Variants in DDX55 observed in about 807,000 individuals in gnomAD.
DDX55 encodes ATP-dependent RNA helicase DDX55.
In DDX55, 56 loss-of-function variants were observed where a neutral mutation model predicts 69.2. The ratio of observed to expected loss-of-function variants is 0.81; its 90% CI spans 0.65 to 1.01. The LOEUF (loss-of-function observed/expected upper bound fraction) is 1.01, where lower values mean the gene tolerates loss of function less well. DDX55 is among the 50% of genes least tolerant of loss of function. DDX55 has a pLI of 0.00. For missense variants in DDX55, 720 were observed against 745.1 expected (o/e 0.97, Z 0.39); for synonymous variants, 268 against 273.1 (o/e 0.98, Z 0.18).
intron 1 of DDX55, among the ~76,000 whole-genome samples, chr12:123,602,872 A>G (rs553514742): frequency 5.3e-4 from 81 of 152,264 alleles, no homozygotes; most frequent in African/African-American, 1.9e-3. Context: ...ACTGCAGAGG[A>G]GGTGAGATAG....
chr12:123,608,359 A>G lies in DDX55; in HGVS notation c.402-321A>G, dbSNP rs187104685. On this transcript the variant is annotated intron_variant, in intron 5 of 13. Transcript: ENST00000238146. ...CTTACTCAACTGCTGTTGTAGTGTGAAGGCAGCGATAGACAACATGTGAAT... is the reference window on the plus strand; with the variant it reads ...CTTACTCAACTGCTGTTGTAGTGTGGAGGCAGCGATAGACAACATGTGAAT... 60 of 225,808 alleles carry G rather than the reference A, an allele frequency of 2.7e-4. 1 individual carries two copies. Among genetic ancestry groups the G allele is most frequent in the Non-Finnish European group, 3.6e-5 (4 of 112,646 alleles). 14.0% of individuals were successfully genotyped at this position (225,808 alleles called of 1,614,324 possible).
chr12:123,611,626 T>C (rs1954251675), intron 7 of DDX55, among the ~76,000 whole-genome samples: 1 of 152,240 alleles, frequency 6.6e-6, no homozygotes, highest in African/African-American at 2.4e-5. Context: ...TTGTCGAGGC[T>C]GCTCTCCGGT....
rs1955028748 is a variant in DDX55, at chr12:123,620,031, A to C, written c.1694A>C (p.Lys565Thr). Reference sequence around the variant, plus strand: ...GACACAAGACTCTTGAAAAAACTTAAGAAAGGCAAAATAACTGAAGAAGAA... The same window carrying C: ...GACACAAGACTCTTGAAAAAACTTACGAAAGGCAAAATAACTGAAGAAGAA... ...LNDTRLLKKLKKGKITEEEFE... is the reference protein window; with the variant it reads ...LNDTRLLKKLTKGKITEEEFE... Residue 565 changes from lysine to threonine, a missense_variant, in exon 14 of 14, where the codon AAG (lysine) becomes ACG (threonine). Physicochemically the swap from Lys to Thr is moderately conservative, Grantham distance 78. Transcript: ENST00000238146. 6.2e-7 allele frequency: 1 copy of C among 1,614,206 alleles called. No homozygotes were observed. Among genetic ancestry groups the C allele is most frequent in the Non-Finnish European group, 8.5e-7 (1 of 1,180,036 alleles).
At chr12:123,613,018 G>A (rs1420341022) in intron 7 of DDX55, 152 bp from the exon 8 acceptor site, 1 of 711,618 alleles carries the variant, frequency 1.4e-6, no homozygotes, top group South Asian at 1.8e-5. Context: ...TATTTATTCT[G>A]AGCTAGGTAG....
chr12:123,619,151 C>T (rs553010358), intron 12 of DDX55, among the ~76,000 whole-genome samples: 6 of 152,330 alleles, frequency 3.9e-5, no homozygotes, highest in Admixed American at 2.0e-4. Context: ...TACAGGCGCC[C>T]GCCACCACGC....
Position 123,620,577 on chromosome 12 carries a change from A to ATTT in DDX55, c.*438_*439insTTT. The ATTT allele has an allele frequency of 1.2e-5, 1 of 86,192 alleles. No individual in the cohort carries two copies. Among genetic ancestry groups the ATTT allele is most frequent in the South Asian group, 4.5e-4 (1 of 2,200 alleles). 5.3% of individuals were successfully genotyped at this position (86,192 alleles called of 1,614,324 possible). A position where few individuals can be genotyped will look rare whatever the true frequency, so the allele number is the denominator to read the frequency against. Reference sequence around the variant, plus strand: ...ATGGGTCACATATAGACATATGTACATATTATATATATATATATATATATA... The same window carrying ATTT: ...ATGGGTCACATATAGACATATGTACATTTTATTATATATATATATATATATATA... On this transcript the variant is annotated 3_prime_UTR_variant, in exon 14 of 14. Transcript: ENST00000238146.
chr12:123,616,384 C>A, intron 9 of DDX55, 127 bp from the exon 10 acceptor site: 1 of 777,066 alleles, frequency 1.3e-6, no homozygotes, highest in Non-Finnish European at 2.1e-6. Flanking sequence ...CAAAATATTA[C>A]CTTAAACATT....
At chr12:123,618,387 G>C (rs747191349) in intron 11 of DDX55, 99 of 810,042 alleles carry the variant, frequency 1.2e-4, no homozygotes, top group South Asian at 1.1e-3. Context: ...AGCATGCCCT[G>C]CTGGGACCCA....
Position 123,620,143 on chromosome 12 carries a change from C to T in DDX55, c.*3C>T. 6.2e-7 allele frequency: 1 copy of T among 1,612,568 alleles called. No homozygotes were observed. The stretch of plus-strand genomic sequence containing the variant: ...CAGATTTGGAAGATGACTGCTGATT[C>T]CAGTGCCACAGATGAACCCACAAGG... On this transcript the variant is annotated 3_prime_UTR_variant, in exon 14 of 14. Coordinates refer to ENST00000238146, the MANE Select transcript of DDX55 (RefSeq NM_020936.3).
At chr12:123,607,246 A>G (rs1022334573) in intron 3 of DDX55, among the ~76,000 whole-genome samples, 186 bp from the exon 4 acceptor site, 11 of 152,254 alleles carry the variant, frequency 7.2e-5, no homozygotes, top group Non-Finnish European at 1.6e-4. Flanking sequence ...GCATAACTGC[A>G]GTATATGATG....
At chr12:123,619,138 G>A (rs1954942397) in intron 12 of DDX55, among the ~76,000 whole-genome samples, 1 of 152,218 alleles carries the variant, frequency 6.6e-6, no homozygotes, top group Non-Finnish European at 1.5e-5. Flanking sequence ...GAGTAGCTGG[G>A]ACTACAGGCG....
chr12:123,605,600 T>C, intron 1 of DDX55: 1 of 408,534 alleles, frequency 2.4e-6, no homozygotes, highest in Non-Finnish European at 4.6e-6. Flanking sequence ...AGAGGGTTTA[T>C]TTGAATCATG....
chr12:123,617,317 CAT>C (rs1280347598), intron 10 of DDX55, among the ~76,000 whole-genome samples: 5 of 152,216 alleles, frequency 3.3e-5, no homozygotes, highest in African/African-American at 1.2e-4. Flanking sequence ...CATACCACCA[CAT>C]GTGAAAATTA....
At position 123,619,559 on chromosome 12, in the gene DDX55, A is replaced by G. The variant is rs1204539656; in HGVS notation, c.1461A>G (p.Lys487=). The G allele has an allele frequency of 6.2e-7, 1 of 1,614,154 alleles. No individual in the cohort carries two copies. Among genetic ancestry groups the G allele is most frequent in the East Asian group, 2.2e-5 (1 of 44,888 alleles). ...VDVNTDTIPF[K]DKIREKQRQK... is the part of the protein sequence containing the mutation. ...TTAATACCGACACGATTCCATTTAA[A>G]GATAAAATCAGAGAAAAGCAGAGGC... Residue 487 remains lysine (K), a synonymous_variant, in exon 13 of 14, where the codon AAA becomes AAG. Coordinates refer to ENST00000238146, the MANE Select transcript of DDX55 (RefSeq NM_020936.3).
chr12:123,617,377 C>T (rs1004836203), intron 10 of DDX55, among the ~76,000 whole-genome samples: 4 of 152,174 alleles, frequency 2.6e-5, no homozygotes, highest in African/African-American at 4.8e-5. Context: ...CATGCTTCCA[C>T]GCATAGGAAA....
At position 123,620,112 on chromosome 12, in the gene DDX55, G is replaced by C; in HGVS notation, c.1775G>C (p.Gly592Ala). 1 of 1,613,894 alleles carries C rather than the reference G, an allele frequency of 6.2e-7. No homozygotes were observed. The highest frequency in any genetic ancestry group is 8.5e-7 in the Non-Finnish European group (1 of 1,179,876). ...GKRTIKTVDL[G>A]ISDLEDDC ...AGAACAATCAAGACAGTGGATTTAG[G>C]GATCTCAGATTTGGAAGATGACTGC... Residue 592 changes from glycine to alanine, a missense_variant, in exon 14 of 14, where the codon GGG (glycine) becomes GCG (alanine). By Grantham distance (60) the Gly-to-Ala change is moderately conservative. Transcript: ENST00000238146.
intron 8 of DDX55, 37 bp downstream of exon 8, chr12:123,613,289 T>C: frequency 6.2e-7 from 1 of 1,604,894 alleles, no homozygotes; most frequent in Non-Finnish European, 8.5e-7. Flanking sequence ...GCATCAGGGA[T>C]TCAGCCAGAA....
chr12:123,615,296 G>T lies in DDX55; in HGVS notation c.936G>T (p.Met312Ile). Residue 312 changes from methionine to isoleucine, a missense_variant, in exon 9 of 14, where the codon ATG becomes ATT. Transcript: ENST00000238146. ...AATATAAACGCAATAAGATCTTCAT[G>T]GAGTTCCGCAAATTGCAAAGGTGGG... ...KMKYKRNKIF[M>I]EFRKLQSGIL... is the part of the protein sequence containing the mutation. 1 of 1,613,978 alleles carries T rather than the reference G, an allele frequency of 6.2e-7. No homozygotes were observed. Among genetic ancestry groups the T allele is most frequent in the Non-Finnish European group, 8.5e-7 (1 of 1,179,936 alleles).
chr12:123,602,109 C>T lies in DDX55; in HGVS notation c.-40C>T, dbSNP rs113620982. The T allele has an allele frequency of 0.027, 40,360 of 1,512,434 alleles. 1,552 individuals carry two copies. Among genetic ancestry groups the T allele is most frequent in the African/African-American group, 0.18 (12,822 of 72,000 alleles). The allele number at this position is 1,512,434 out of a possible 1,614,324, so 93.7% of individuals were successfully genotyped here. A position where few individuals can be genotyped will look rare whatever the true frequency, so the allele number is the denominator to read the frequency against. ...GTGCTCGTTGGGGGTGCACAAGGCG[C>T]GTTCGAGCAGCGGCGACCGACGCGG... is the stretch of plus-strand genomic sequence containing the variant. On this transcript the variant is annotated 5_prime_UTR_variant, in exon 1 of 14. Coordinates refer to ENST00000238146, the MANE Select transcript of DDX55 (RefSeq NM_020936.3).
Sources: allele counts gnomAD v4.1 joint callset (sites outside exome capture counted in the v4.1 genomes callset), GRCh38; gene constraint gnomAD v4.1.1; transcripts MANE v1.5; gene names NCBI Gene and HGNC (gene_info 2026-07-23, HGNC 2026-07-21).